The following MGAT4C variants were observed in gnomAD, a reference collection of about 807,000 sequenced individuals.
The protein encoded by MGAT4C is MGAT4 family member C.
In MGAT4C, 19 loss-of-function variants were observed where a neutral mutation model predicts 40.1. The observed-to-expected ratio is 0.47, with a 90% confidence interval of 0.33 to 0.70. The LOEUF (loss-of-function observed/expected upper bound fraction) is 0.70. MGAT4C is among the 30% of genes least tolerant of loss of function. The pLI, the probability that MGAT4C is intolerant of heterozygous loss-of-function variation, is 0.02. For missense variants in MGAT4C, 491 were observed against 563.2 expected (o/e 0.87, Z 1.30); for synonymous variants, 181 against 187.1 (o/e 0.97, Z 0.27).
chr12:86,811,261 G>C (rs1176316029), intron 1 of MGAT4C, among the ~76,000 whole-genome samples: 1 of 149,978 alleles, frequency 6.7e-6, no homozygotes, highest in Non-Finnish European at 1.5e-5. Flanking sequence ...CATCATGTTT[G>C]AGTTTCAGTG....
intron 1 of MGAT4C, among the ~76,000 whole-genome samples, chr12:86,208,484 C>T (rs987354078): frequency 4.6e-5 from 7 of 152,124 alleles, no homozygotes; most frequent in East Asian, 1.9e-4. Context: ...AACAACAAAA[C>T]GTGTAAATCC....
chr12:86,346,404 T>G (rs1181676396), intron 3 of MGAT4C, among the ~76,000 whole-genome samples: 2 of 152,082 alleles, frequency 1.3e-5, no homozygotes, highest in Admixed American at 1.3e-4. Context: ...TTTGTATTTT[T>G]AGTAGAGATG....
intron 1 of MGAT4C, among the ~76,000 whole-genome samples, chr12:86,820,292 T>C (rs1485610166): frequency 1.3e-5 from 2 of 150,824 alleles, no homozygotes; most frequent in Non-Finnish European, 3.0e-5. Flanking sequence ...ATATGTCCAC[T>C]ATGGGTTGGT....
intron 3 of MGAT4C, among the ~76,000 whole-genome samples, chr12:86,401,626 T>G (rs542571450): frequency 6.6e-6 from 1 of 152,298 alleles, no homozygotes; most frequent in African/African-American, 2.4e-5. Context: ...GTTTTCAGTT[T>G]TTGGTTCTGA....
At chr12:86,667,272 G>T (rs1261570684) in intron 2 of MGAT4C, among the ~76,000 whole-genome samples, 1 of 152,142 alleles carries the variant, frequency 6.6e-6, no homozygotes, top group Non-Finnish European at 1.5e-5. Context: ...AGGAGAAGAG[G>T]ATTTGGAACA....
chr12:86,590,243 G>A (rs1314774052), intron 2 of MGAT4C, among the ~76,000 whole-genome samples: 4 of 40,066 alleles, frequency 1.0e-4, no homozygotes, highest in African/African-American at 2.1e-4. Flanking sequence ...CATTTACCAA[G>A]GATGAAATTG....
chr12:86,355,701 GA>G (rs547003925), intron 3 of MGAT4C, among the ~76,000 whole-genome samples: 38 of 151,588 alleles, frequency 2.5e-4, no homozygotes, highest in African/African-American at 8.7e-4. Flanking sequence ...CATTTTTAAA[GA>G]AAAAAATAAG....
At chr12:86,834,939 A>G (rs1017617477) in intron 1 of MGAT4C, among the ~76,000 whole-genome samples, 3 of 151,900 alleles carry the variant, frequency 2.0e-5, no homozygotes, top group Non-Finnish European at 2.9e-5. Context: ...CTTTCCTGTA[A>G]AGCACCTTCA....
At chr12:86,774,346 TCTCTCTCCCCTC>T (rs1565981715) in intron 1 of MGAT4C, among the ~76,000 whole-genome samples, 148 of 88,142 alleles carry the variant, frequency 1.7e-3, no homozygotes, top group South Asian at 2.8e-3. Flanking sequence ...TTTCTGTCTC[TCTCTCTCCCCTC>T]TCTCTCTCTC....
chr12:86,122,542 A>T (rs1879542940), intron 1 of MGAT4C, among the ~76,000 whole-genome samples: 1 of 152,170 alleles, frequency 6.6e-6, no homozygotes, highest in African/African-American at 2.4e-5. Flanking sequence ...AATCTATAAC[A>T]TCTCTAAAGT....
intron 1 of MGAT4C, among the ~76,000 whole-genome samples, chr12:86,191,687 T>G (rs542804503): frequency 7.0e-6 from 1 of 143,256 alleles, no homozygotes; most frequent in South Asian, 2.4e-4. Flanking sequence ...TTATCTCCTG[T>G]AGCAAAATTC....
upstream of MGAT4C, among the ~76,000 whole-genome samples, chr12:86,257,675 A>G (rs1471931968): frequency 2.0e-5 from 3 of 152,252 alleles, no homozygotes; most frequent in African/African-American, 4.8e-5. Flanking sequence ...GGCCTCAATA[A>G]GAGTTCAAAA....
intron 1 of MGAT4C, among the ~76,000 whole-genome samples, chr12:86,194,740 A>G (rs1219652234): frequency 6.6e-6 from 1 of 152,092 alleles, no homozygotes; most frequent in Non-Finnish European, 1.5e-5. Context: ...CTGGGATTAC[A>G]GGCATGAACC....
At chr12:85,989,815 G>A (rs1213903542) in intron 2 of MGAT4C, among the ~76,000 whole-genome samples, 2 of 151,992 alleles carry the variant, frequency 1.3e-5, no homozygotes, top group Non-Finnish European at 2.9e-5. Flanking sequence ...GATGAACTTT[G>A]GTCATAATAA....
At chr12:86,408,773 T>C (rs1011743424) in intron 3 of MGAT4C, among the ~76,000 whole-genome samples, 1 of 151,910 alleles carries the variant, frequency 6.6e-6, no homozygotes, top group Non-Finnish European at 1.5e-5. Flanking sequence ...CATTATTTAA[T>C]TGTTATCAAA....
At chr12:86,435,189 G>A (rs1050814180) in exon 3 of MGAT4C, 3 of 151,890 alleles carry the variant, frequency 2.0e-5, no homozygotes, top group Admixed American at 6.6e-5. Context: ...TTGCTATAGC[G>A]TTTTCTGCAG....
intron 1 of MGAT4C, among the ~76,000 whole-genome samples, chr12:86,728,621 G>C (rs1481209802): frequency 6.6e-6 from 1 of 152,150 alleles, no homozygotes; most frequent in African/African-American, 2.4e-5. Flanking sequence ...AACCCGGGAG[G>C]CAGAGGTTAC....
rs188681814 is a variant in MGAT4C, at chr12:86,327,599, A to G, written c.-57+6466T>C. 3.0e-3 allele frequency among the ~76,000 whole-genome samples: 455 copies of G among 152,252 alleles called. 2 individuals are homozygous for G. The highest frequency in any genetic ancestry group is 0.01 in the African/African-American group (434 of 41,570). ...AATCAAATTTGTTTAAGTGGAAAAA[A>G]TTGAAGAAAATTGAGGTAAAAAGAA... On this transcript the variant is annotated intron_variant, in intron 4 of 7. Coordinates refer to the MGAT4C transcript ENST00000548651.
chr12:86,053,067 G>C (rs1263002300), intron 1 of MGAT4C, among the ~76,000 whole-genome samples: 1 of 151,886 alleles, frequency 6.6e-6, no homozygotes, highest in Non-Finnish European at 1.5e-5. Context: ...AGATCTTTGG[G>C]GAAGTACGAG....
Sources: allele counts gnomAD v4.1 joint callset (sites outside exome capture counted in the v4.1 genomes callset), GRCh38; gene constraint gnomAD v4.1.1; transcripts MANE v1.5; gene names NCBI Gene and HGNC (gene_info 2026-07-23, HGNC 2026-07-21).